Variants in PAMR1 observed in about 807,000 individuals in gnomAD.
PAMR1 encodes peptidase domain containing associated with muscle regeneration 1, also known as inactive serine protease PAMR1.
In PAMR1, 88 loss-of-function variants were observed where a neutral mutation model predicts 81.8. That is an observed-to-expected ratio of 1.08 (90% CI 0.91 to 1.28). PAMR1 has a LOEUF of 1.28. Ranked by LOEUF, PAMR1 falls within the 50% of genes most tolerant of loss-of-function variation. The pLI, the probability that PAMR1 is intolerant of heterozygous loss-of-function variation, is 0.00. For synonymous variants in PAMR1, 336 were observed against 345.3 expected (o/e 0.97, Z 0.30); for missense variants, 935 against 919.7 (o/e 1.02, Z -0.21).
At chr11:35,465,498 T>C (rs10501139) in intron 6 of PAMR1, among the ~76,000 whole-genome samples, 42,589 of 152,160 alleles carry the variant, frequency 0.28, 6,071 homozygotes, top group Admixed American at 0.34. Flanking sequence ...ACTGATAGAC[T>C]GCTCTGGAAA....
At chr11:35,461,021 G>A (rs1251528421) in intron 6 of PAMR1, among the ~76,000 whole-genome samples, 2 of 152,162 alleles carry the variant, frequency 1.3e-5, no homozygotes, top group Non-Finnish European at 2.9e-5. Flanking sequence ...GGTGTGAGAT[G>A]GTATCTCATT....
At chr11:35,450,814 G>A (rs1016165816) in intron 6 of PAMR1, among the ~76,000 whole-genome samples, 4 of 152,164 alleles carry the variant, frequency 2.6e-5, no homozygotes, top group Non-Finnish European at 4.4e-5. Flanking sequence ...TAATCAACTG[G>A]AGTTGAAAAG....
rs1409778777 is a variant in PAMR1 at position 35,439,642 on chromosome 11, A to C, written c.1085T>G (p.Met362Arg). Residue 362 changes from methionine to arginine, a missense_variant, in exon 8 of 11, where the codon ATG (methionine) becomes AGG (arginine). Met to Arg is a moderately conservative substitution (Grantham distance 91, BLOSUM62 -1). Coordinates refer to ENST00000619888, the MANE Select transcript of PAMR1 (RefSeq NM_001001991.3). ...SDLVRRRVLP[M>R]QVQSRETPLH... ...TTGACCTCACCTTGACTGAACCTGC[A>C]TCGGAAGAACTCTCCTTCTCACCAG... 3 of 1,613,926 alleles carry C rather than the reference A, an allele frequency of 1.9e-6. No homozygotes were observed. Among genetic ancestry groups the C allele is most frequent in the Non-Finnish European group, 2.5e-6 (3 of 1,179,874 alleles).
At position 35,475,977 on chromosome 11, in the gene PAMR1, T is replaced by C. The variant is rs181337822; in HGVS notation, c.380-1233A>G. Among the ~76,000 whole-genome samples the C allele has an allele frequency of 1.4e-3, 220 of 152,306 alleles. 2 individuals carry two copies. The highest frequency in any genetic ancestry group is 2.4e-3 in the Admixed American group (37 of 15,302). ...AACTCCCCAAAAGTACAAAATTTCA[T>C]AACTAAAAATAAAAATATTACTAGT... On this transcript the variant is annotated intron_variant, in intron 3 of 10. Transcript: ENST00000619888.
intron 3 of PAMR1, among the ~76,000 whole-genome samples, chr11:35,487,043 G>A (rs1322994440): frequency 1.3e-5 from 2 of 151,894 alleles, no homozygotes; most frequent in Non-Finnish European, 2.9e-5. Context: ...GTGCTTCTGC[G>A]ACCCACCCTG....
At chr11:35,480,911 A>C (rs960918754) in intron 3 of PAMR1, among the ~76,000 whole-genome samples, 8 of 151,946 alleles carry the variant, frequency 5.3e-5, no homozygotes, top group African/African-American at 1.9e-4. Context: ...ATGTCCATGT[A>C]TTCTCATTGT....
At chr11:35,480,543 C>T (rs143631188) in intron 3 of PAMR1, among the ~76,000 whole-genome samples, 4 of 152,308 alleles carry the variant, frequency 2.6e-5, no homozygotes, top group African/African-American at 9.6e-5. Context: ...CATTAATCCC[C>T]TCCAATGAAT....
chr11:35,486,089 C>T (rs748759302), intron 3 of PAMR1, among the ~76,000 whole-genome samples: 2 of 152,204 alleles, frequency 1.3e-5, no homozygotes, highest in African/African-American at 2.4e-5. Flanking sequence ...AACCTAATAA[C>T]ATCATATTGA....
At chr11:35,440,891 C>T (rs1856150915) in intron 7 of PAMR1, among the ~76,000 whole-genome samples, 1 of 152,210 alleles carries the variant, frequency 6.6e-6, no homozygotes, top group East Asian at 1.9e-4. Flanking sequence ...GCTTTCCAGA[C>T]TGGCTCCAGT....
At chr11:35,502,436 G>C (rs747247906) in intron 1 of PAMR1, among the ~76,000 whole-genome samples, 20 of 152,074 alleles carry the variant, frequency 1.3e-4, no homozygotes, top group Non-Finnish European at 2.2e-4. Flanking sequence ...ACAGGCCCCA[G>C]TGTGGGTTAT....
Position 35,436,142 on chromosome 11 carries a change from C to T in PAMR1, c.1101-7G>A, listed in dbSNP as rs1468478943. ...CTGGTGTAATGGTGTCTCCCTGGGT[C>T]AGGAAACATGGGCCCAGAGAAAGAG... On this transcript the variant is annotated splice_region_variant and splice_polypyrimidine_tract_variant and intron_variant, in intron 8 of 10. Transcript: ENST00000619888. The T allele has an allele frequency of 1.9e-6, 3 of 1,595,708 alleles. No homozygotes were observed. The African/African-American group carries it at 4.0e-5, about 21-fold the overall frequency.
intron 1 of PAMR1, 79 bp downstream of exon 1, chr11:35,525,434 G>T: frequency 8.3e-7 from 1 of 1,203,098 alleles, no homozygotes; most frequent in Non-Finnish European, 1.2e-6. Context: ...TCCCAGTCCT[G>T]CTCCCAGGCA....
chr11:35,432,081 G>A lies in PAMR1; in HGVS notation c.*275C>T. 1 of 422,732 alleles carries A rather than the reference G, an allele frequency of 2.4e-6. No individual in the cohort carries two copies. Among genetic ancestry groups the A allele is most frequent in the Non-Finnish European group, 4.3e-6 (1 of 233,766 alleles). 26.2% of individuals were successfully genotyped at this position (422,732 alleles called of 1,614,324 possible). A position where few individuals can be genotyped will look rare whatever the true frequency, so the allele number is the denominator to read the frequency against. On this transcript the variant is annotated 3_prime_UTR_variant, in exon 11 of 11. Transcript: ENST00000619888. ...GTTGGGGAAGACCACCAGGTCAGTG[G>A]AGTGGAGAGGTTTTGTATATGGTCT...
chr11:35,492,818 C>A (rs1850655467), intron 2 of PAMR1, among the ~76,000 whole-genome samples: 1 of 152,178 alleles, frequency 6.6e-6, no homozygotes, highest in Admixed American at 6.5e-5. Flanking sequence ...TGTGTGATTC[C>A]CCAACAAGGA....
intron 1 of PAMR1, among the ~76,000 whole-genome samples, chr11:35,508,367 C>T (rs1267911776): frequency 6.6e-6 from 1 of 152,108 alleles, no homozygotes; most frequent in Non-Finnish European, 1.5e-5. Context: ...TTTCACTTCT[C>T]TGTGGCCCTT....
At chr11:35,433,778 G>C (rs372745489) in intron 10 of PAMR1, among the ~76,000 whole-genome samples, 1 of 147,352 alleles carries the variant, frequency 6.8e-6, no homozygotes, top group Non-Finnish European at 1.5e-5. Flanking sequence ...ATAGACGGAT[G>C]GATGGATCGA....
At chr11:35,505,640 T>C (rs1850935117) in intron 1 of PAMR1, among the ~76,000 whole-genome samples, 1 of 152,170 alleles carries the variant, frequency 6.6e-6, no homozygotes, top group South Asian at 2.1e-4. Flanking sequence ...GTATTTAACA[T>C]GTATGCTATT....
intron 1 of PAMR1, among the ~76,000 whole-genome samples, chr11:35,505,910 T>G (rs1208423037): frequency 6.9e-6 from 1 of 145,524 alleles, no homozygotes; most frequent in Non-Finnish European, 1.5e-5. Flanking sequence ...TTCTCTGTCA[T>G]GTAACTCATC....
At chr11:35,434,450 C>A in intron 10 of PAMR1, 62 bp downstream of exon 10, 1 of 1,525,702 alleles carries the variant, frequency 6.6e-7, no homozygotes, top group Admixed American at 1.7e-5. Context: ...AATCACTGCT[C>A]TCCCGTGCTT....
Sources: gnomAD v4.1 joint callset for allele counts (sites outside exome capture counted in the v4.1 genomes callset) on GRCh38, gnomAD v4.1.1 for gene constraint, MANE v1.5 for transcripts, NCBI Gene and HGNC (gene_info 2026-07-23, HGNC 2026-07-21) for gene names.